The following LAMA2 variants were observed in gnomAD, a reference collection of about 807,000 sequenced individuals.
The protein encoded by LAMA2 is laminin subunit alpha 2.
A neutral mutation model predicts 364.8 loss-of-function variants in LAMA2; 269 were observed. That is an observed-to-expected ratio of 0.74 (90% CI 0.67 to 0.82). The LOEUF is 0.82. Ranked by LOEUF, LAMA2 falls within the 40% of genes least tolerant of loss-of-function variation. The probability of loss-of-function intolerance (pLI) is 0.00; values close to 1 mark genes in which losing one functional copy is unlikely to be tolerated. For missense variants in LAMA2, 3,807 were observed against 3,873.2 expected (o/e 0.98, Z 0.45); for synonymous variants, 1,379 against 1,370.6 (o/e 1.01, Z -0.14).
At chr6:129,272,539 G>C (rs1004551503) in intron 17 of LAMA2, among the ~76,000 whole-genome samples, 1 of 151,866 alleles carries the variant, frequency 6.6e-6, no homozygotes, top group East Asian at 1.9e-4. Context: ...AAATCTCTAC[G>C]GTCTACAATG....
intron 3 of LAMA2, among the ~76,000 whole-genome samples, chr6:129,075,342 GTCT>G: frequency 6.6e-6 from 1 of 152,276 alleles, no homozygotes; most frequent in East Asian, 1.9e-4. Context: ...AGGTCTCCAG[GTCT>G]TCTTAGCTCC....
At chr6:129,043,026 A>T (rs1367234069) in intron 1 of LAMA2, among the ~76,000 whole-genome samples, 2 of 152,156 alleles carry the variant, frequency 1.3e-5, no homozygotes, top group Non-Finnish European at 2.9e-5. Flanking sequence ...TTGGATATGT[A>T]CCTAACAGGG....
intron 58 of LAMA2, among the ~76,000 whole-genome samples, chr6:129,501,059 C>A (rs1453123232): frequency 1.3e-5 from 2 of 152,146 alleles, no homozygotes; most frequent in Non-Finnish European, 2.9e-5. Context: ...GGACTCACAG[C>A]AGATAGGATT....
chr6:129,035,789 G>A lies in LAMA2; in HGVS notation c.113-14129G>A, dbSNP rs118172544. On this transcript the variant is annotated intron_variant, in intron 1 of 64. Transcript: ENST00000421865. ...TGACTTTGTCGAAGATTAGTTGTAG[G>A]AATATGGATTTATTTTTGCATTCTC... 9.0e-3 allele frequency among the ~76,000 whole-genome samples: 1,364 copies of A among 152,038 alleles called. 15 individuals are homozygous for A. The highest frequency in any genetic ancestry group is 0.027 in the Middle Eastern group (8 of 294).
At chr6:129,330,855 C>T (rs973713692) in intron 29 of LAMA2, among the ~76,000 whole-genome samples, 19 of 151,950 alleles carry the variant, frequency 1.3e-4, no homozygotes, top group African/African-American at 4.3e-4. Context: ...ATCCTACCAT[C>T]TCCTCCATAC....
chr6:128,942,263 A>G (rs1442413219), intron 1 of LAMA2, among the ~76,000 whole-genome samples: 1 of 152,142 alleles, frequency 6.6e-6, no homozygotes, highest in Non-Finnish European at 1.5e-5. Flanking sequence ...AAACTTGAAA[A>G]AAAAATCTCT....
intron 1 of LAMA2, among the ~76,000 whole-genome samples, chr6:128,952,201 C>T (rs899365209): frequency 8.6e-5 from 13 of 151,980 alleles, no homozygotes; most frequent in Non-Finnish European, 1.5e-4. Flanking sequence ...ATTTCAAATT[C>T]AAACATATTT....
chr6:129,250,695 T>G (rs1432274689), intron 13 of LAMA2, among the ~76,000 whole-genome samples: 1 of 152,174 alleles, frequency 6.6e-6, no homozygotes, highest in Non-Finnish European at 1.5e-5. Flanking sequence ...CTTTCAAGAT[T>G]TGAAGGGCCA....
At chr6:129,354,887 A>G (rs1777065200) in intron 32 of LAMA2, among the ~76,000 whole-genome samples, 1 of 152,310 alleles carries the variant, frequency 6.6e-6, no homozygotes, top group Non-Finnish European at 1.5e-5. Flanking sequence ...TCTTTTCCCT[A>G]TCACATATGT....
intron 9 of LAMA2, among the ~76,000 whole-genome samples, chr6:129,174,577 A>T (rs1780445132): frequency 6.6e-6 from 1 of 152,014 alleles, no homozygotes; most frequent in Admixed American, 6.6e-5. Context: ...CCTTGAATTT[A>T]CATGAAGTTA....
chr6:129,484,323 G>T (rs1784493526), intron 55 of LAMA2, among the ~76,000 whole-genome samples: 2 of 152,176 alleles, frequency 1.3e-5, no homozygotes, highest in Non-Finnish European at 2.9e-5. Context: ...ACTGCTGGTA[G>T]AAAAAGTAAA....
At chr6:128,996,282 A>T (rs1783937201) in intron 1 of LAMA2, among the ~76,000 whole-genome samples, 1 of 152,124 alleles carries the variant, frequency 6.6e-6, no homozygotes, top group Non-Finnish European at 1.5e-5. Context: ...GGGAAATGTG[A>T]AAAGGCATGA....
intron 35 of LAMA2, among the ~76,000 whole-genome samples, chr6:129,389,338 C>A (rs140306180): frequency 6.6e-6 from 1 of 152,142 alleles, no homozygotes; most frequent in African/African-American, 2.4e-5. Context: ...AACTGAAATG[C>A]ATTTCTCATT....
intron 1 of LAMA2, among the ~76,000 whole-genome samples, chr6:128,960,615 C>T (rs2114592064): frequency 6.6e-6 from 1 of 152,336 alleles, no homozygotes; most frequent in Non-Finnish European, 1.5e-5. Context: ...CCGCCTGGTC[C>T]TCCCAAAGTG....
At chr6:129,212,562 G>A (rs1783172315) in intron 12 of LAMA2, among the ~76,000 whole-genome samples, 1 of 152,094 alleles carries the variant, frequency 6.6e-6, no homozygotes, top group Admixed American at 6.6e-5. Context: ...GCAGACACTA[G>A]GTTTATGATT....
intron 6 of LAMA2, among the ~76,000 whole-genome samples, chr6:129,148,374 G>A (rs1405948330): frequency 1.3e-5 from 2 of 151,976 alleles, no homozygotes; most frequent in East Asian, 1.9e-4. Flanking sequence ...GCAAAGGGAG[G>A]GAGAACATCA....
intron 32 of LAMA2, among the ~76,000 whole-genome samples, chr6:129,357,773 T>C (rs1012926293): frequency 2.0e-5 from 3 of 152,032 alleles, no homozygotes; most frequent in African/African-American, 7.2e-5. Context: ...CAGAGACCTT[T>C]ATATATTATC....
chr6:129,469,715 G>A (rs1583824972), intron 51 of LAMA2, among the ~76,000 whole-genome samples: 2 of 151,644 alleles, frequency 1.3e-5, no homozygotes, highest in African/African-American at 4.8e-5. Context: ...CAGGTAAATA[G>A]ATATACATAA....
At position 129,300,783 on chromosome 6, in the gene LAMA2, C is replaced by A. The variant is rs145420388; in HGVS notation, c.3085C>A (p.Arg1029=). The change falls in exon 22 of 65, where the codon CGA becomes AGA. Residue 1029 remains arginine (R), a synonymous_variant. Coordinates refer to ENST00000421865, the MANE Select transcript of LAMA2 (RefSeq NM_000426.4). ...TAATAATTGTGACCCAAAGACTGGG[C>A]GATGCATTTGCCCTCCCAATACCAT... is the stretch of plus-strand genomic sequence containing the variant. The part of the protein sequence containing the change: ...LGNNCDPKTG[R]CICPPNTIGE... The A allele has an allele frequency of 3.7e-6, 6 of 1,613,392 alleles. No homozygotes were observed. The African/African-American group carries it at 6.7e-5, about 18-fold the overall frequency.
Sources: gnomAD v4.1 joint callset for allele counts (sites outside exome capture counted in the v4.1 genomes callset) on GRCh38, gnomAD v4.1.1 for gene constraint, MANE v1.5 for transcripts, NCBI Gene and HGNC (gene_info 2026-07-23, HGNC 2026-07-21) for gene names.